The following MAP4 variants were observed in gnomAD, a reference collection of about 807,000 sequenced individuals.
MAP4 encodes microtubule associated protein 4.
Under a neutral mutation model 170.2 loss-of-function variants are expected in MAP4, and 76 were observed. The ratio of observed to expected loss-of-function variants is 0.45; its 90% CI spans 0.37 to 0.54. The LOEUF (loss-of-function observed/expected upper bound fraction) is 0.54. Among genes scored for constraint, MAP4 ranks in the 20% least tolerant of loss-of-function variants. The probability of loss-of-function intolerance (pLI) is 0.00; values close to 1 mark genes in which losing one functional copy is unlikely to be tolerated. For missense variants in MAP4, 2,506 were observed against 2,748.0 expected (o/e 0.91, Z 1.97); for synonymous variants, 909 against 994.5 (o/e 0.91, Z 1.62).
At chr3:47,972,151 T>C (rs1336171456) in intron 3 of MAP4, among the ~76,000 whole-genome samples, 3 of 152,234 alleles carry the variant, frequency 2.0e-5, no homozygotes, top group African/African-American at 7.2e-5. Flanking sequence ...AGATATAAAA[T>C]ATTTTTAATG....
chr3:48,075,422 C>T (rs530423035), intron 1 of MAP4, among the ~76,000 whole-genome samples: 89 of 151,640 alleles, frequency 5.9e-4, no homozygotes, highest in South Asian at 4.0e-3. Flanking sequence ...CTACTCAAGA[C>T]GCAGAGGCAG....
intron 4 of MAP4, 151 bp downstream of exon 4, chr3:47,928,077 A>G (rs1163121814): frequency 3.5e-6 from 3 of 854,954 alleles, no homozygotes; most frequent in African/African-American, 3.4e-5. Flanking sequence ...AGGAAAGGAT[A>G]AATGAAGAAG....
rs2100035655 is a variant in MAP4, at chr3:47,910,909, C to T, written c.3512G>A (p.Gly1171Asp). Residue 1171 changes from glycine to aspartate, a missense_variant, in exon 9 of 21, where the codon GGT (glycine) becomes GAT (aspartate). Transcript: ENST00000683076. Reference protein sequence around the residue: ...ESGSGMTQTSGVSTETGDVVK... With the variant: ...ESGSGMTQTSDVSTETGDVVK... Reference sequence around the variant, plus strand: ...TACATCTCCTGTTTCTGTGCTAACACCAGAAGTCTGAGTCATGCCTGATCC... The same window carrying T: ...TACATCTCCTGTTTCTGTGCTAACATCAGAAGTCTGAGTCATGCCTGATCC... 2 of 1,536,128 alleles carry T rather than the reference C, an allele frequency of 1.3e-6. No homozygotes were observed. The highest frequency in any genetic ancestry group is 1.4e-5 in the African/African-American group (1 of 73,142).
rs769235654 is a variant in MAP4 at position 47,958,682 on chromosome 3, A to ATTT, written c.292+19180_292+19182dup. ...CAGGGGTGTGCACCACACCCGGCTA[A>ATTT]TTTTTTTTTTTTTTTTTTTTGAGAC... On this transcript the variant is annotated intron_variant, in intron 3 of 20. Transcript: ENST00000683076. Among the ~76,000 whole-genome samples the ATTT allele has an allele frequency of 6.6e-5, 8 of 121,460 alleles. No homozygotes were observed. In the East Asian group the frequency reaches 7.0e-4, roughly 11 times the overall value. 79.7% of individuals were successfully genotyped at this position (121,460 alleles called of 152,430 possible).
At chr3:48,073,476 T>C (rs1334590605) in intron 1 of MAP4, among the ~76,000 whole-genome samples, 1 of 151,724 alleles carries the variant, frequency 6.6e-6, no homozygotes, top group African/African-American at 2.4e-5. Context: ...CCAGGCATGG[T>C]GGCACATGCC....
chr3:48,021,107 AAATG>A (rs1050548437), upstream of MAP4, among the ~76,000 whole-genome samples: 1 of 152,192 alleles, frequency 6.6e-6, no homozygotes, highest in African/African-American at 2.4e-5. Context: ...AAATTCACTG[AAATG>A]AAATGCAACA....
chr3:47,851,928 C>T lies in MAP4; in HGVS notation c.*1006G>A, dbSNP rs1270841408. The T allele has an allele frequency of 1.3e-5, 2 of 152,200 alleles. No individual in the cohort carries two copies. The highest frequency in any genetic ancestry group is 4.8e-5 in the African/African-American group (2 of 41,428). The allele number at this position is 152,200 out of a possible 1,614,324, so 9.4% of individuals were successfully genotyped here. ...CCTGGCTTTTTATCCTAGGGCTGACCACCAGATCCCAGGGAATGGGACAGA... is the reference window on the plus strand; with the variant it reads ...CCTGGCTTTTTATCCTAGGGCTGACTACCAGATCCCAGGGAATGGGACAGA... On this transcript the variant is annotated 3_prime_UTR_variant, in exon 21 of 21. Transcript: ENST00000683076.
intron 7 of MAP4, among the ~76,000 whole-genome samples, 171 bp from the exon 8 acceptor site, chr3:47,915,110 G>A (rs939448470): frequency 1.3e-5 from 2 of 149,570 alleles, no homozygotes; most frequent in African/African-American, 4.9e-5. Context: ...GTCTAGTTAT[G>A]TTACTTTTTT....
At chr3:47,921,661 C>T (rs1186547989) in intron 5 of MAP4, 104 bp downstream of exon 5, 1 of 652,216 alleles carries the variant, frequency 1.5e-6, no homozygotes. Context: ...TCTCTTTTTT[C>T]TTGTTAATCT....
Position 47,916,653 on chromosome 3 carries a change from G to T in MAP4, c.1174C>A (p.Pro392Thr), listed in dbSNP as rs778226612. The T allele has an allele frequency of 6.2e-5, 100 of 1,614,052 alleles. No homozygotes were observed. Among genetic ancestry groups the T allele is most frequent in the South Asian group, 4.5e-4 (41 of 91,078 alleles). Residue 392 changes from proline (P) to threonine (T), a missense_variant, in exon 7 of 21, where the codon CCT becomes ACT. Pro to Thr is a conservative substitution (Grantham distance 38, BLOSUM62 -1). Transcript: ENST00000683076. ...RASPIKMDLA[P>T]SKDMGPPKEN... Reference sequence around the variant, plus strand: ...TTGGGTGGTCCCATGTCCTTGGAAGGAGCCAAGTCCATTTTTATAGGAGAT... The same window carrying T: ...TTGGGTGGTCCCATGTCCTTGGAAGTAGCCAAGTCCATTTTTATAGGAGAT...
At chr3:47,924,230 A>G (rs1188297370) in intron 4 of MAP4, among the ~76,000 whole-genome samples, 4 of 152,154 alleles carry the variant, frequency 2.6e-5, no homozygotes, top group African/African-American at 9.7e-5. Context: ...TCTTTGCTTG[A>G]TAAGTATTTA....
chr3:48,063,017 A>G (rs2100136656), intron 1 of MAP4, among the ~76,000 whole-genome samples: 1 of 152,152 alleles, frequency 6.6e-6, no homozygotes, highest in South Asian at 2.1e-4. Context: ...TACGAATGGC[A>G]AATAAGCATA....
At chr3:47,858,873 A>C (rs956762498) in intron 17 of MAP4, among the ~76,000 whole-genome samples, 1 of 152,146 alleles carries the variant, frequency 6.6e-6, no homozygotes, top group Non-Finnish European at 1.5e-5. Context: ...TCACGCCTGT[A>C]ATCCCAGCAC....
At position 47,911,232 on chromosome 3, in the gene MAP4, C is replaced by A; in HGVS notation, c.3189G>T (p.Lys1063Asn). ...TCATTTTCCCAGAACTTCCCCTTCC[C>A]TTCCTGCTTTTGCCATCACCTGCCA... Reference protein sequence around the residue: ...KRMAGDGKSRKGRGSSGKMRT... With the variant: ...KRMAGDGKSRNGRGSSGKMRT... Residue 1063 changes from lysine (K) to asparagine (N), a missense_variant, in exon 9 of 21, where the codon AAG becomes AAT. Physicochemically the swap from Lys to Asn is moderately conservative, Grantham distance 94. Transcript: ENST00000683076. This position sits in a 1 kb window ranked among gnomAD's most constrained non-coding sequence, Gnocchi z 4.0. 2.0e-6 allele frequency: 3 copies of A among 1,536,124 alleles called. No homozygotes were observed. The highest frequency in any genetic ancestry group is 2.6e-6 in the Non-Finnish European group (3 of 1,146,912).
At chr3:48,045,107 A>AC (rs2100123724) in intron 1 of MAP4, among the ~76,000 whole-genome samples, 1 of 147,890 alleles carries the variant, frequency 6.8e-6, no homozygotes, top group African/African-American at 2.5e-5. Flanking sequence ...AAATACAAAA[A>AC]ATTAGTCAGG....
intron 11 of MAP4, among the ~76,000 whole-genome samples, chr3:47,876,221 T>A (rs751669719): frequency 6.0e-5 from 9 of 149,040 alleles, no homozygotes; most frequent in Non-Finnish European, 8.9e-5. Flanking sequence ...AAGCTCTGCC[T>A]CCCAGGTTCA....
At chr3:47,897,062 A>C (rs1322825495) in intron 10 of MAP4, among the ~76,000 whole-genome samples, 1 of 152,208 alleles carries the variant, frequency 6.6e-6, no homozygotes, top group Non-Finnish European at 1.5e-5. Context: ...TAGGTTTCTG[A>C]CTGCCAGTCT....
At chr3:47,978,311 T>C (rs922778447) in intron 2 of MAP4, among the ~76,000 whole-genome samples, 4 of 152,080 alleles carry the variant, frequency 2.6e-5, no homozygotes, top group African/African-American at 9.7e-5. Context: ...CGAGGGCATT[T>C]GTTTTATTAT....
chr3:47,896,893 A>C lies in MAP4; in HGVS notation c.5434+6057T>G, dbSNP rs570807409. ...CATTATATCCATCAACAGTACTGCA[A>C]AGACACTAAAGTATGTGTGACAGTA... On this transcript the variant is annotated intron_variant, in intron 10 of 20. Coordinates refer to ENST00000683076, the MANE Select transcript of MAP4 (RefSeq NM_001385682.1). Among the ~76,000 whole-genome samples the C allele has an allele frequency of 2.0e-5, 3 of 152,314 alleles. No homozygotes were observed. The East Asian group carries it at 5.8e-4, about 29-fold the overall frequency.
Sources: gnomAD v4.1 joint callset for allele counts (sites outside exome capture counted in the v4.1 genomes callset) on GRCh38, gnomAD v4.1.1 for gene constraint, Gnocchi (gnomAD v3.1) non-coding constraint, MANE v1.5 for transcripts, NCBI Gene and HGNC (gene_info 2026-07-23, HGNC 2026-07-21) for gene names.